CEBPZ: variants seen among roughly 807,000 people sequenced by gnomAD.
CEBPZ encodes CCAAT enhancer binding protein zeta.
In CEBPZ, 78 loss-of-function variants were observed where a neutral mutation model predicts 104.5. That is an observed-to-expected ratio of 0.75 (90% CI 0.62 to 0.90). CEBPZ has a LOEUF of 0.90. Ranked by LOEUF, CEBPZ falls within the 40% of genes least tolerant of loss-of-function variation. CEBPZ has a pLI of 0.00. For synonymous variants in CEBPZ, 470 were observed against 427.0 expected, an observed-to-expected ratio of 1.10 and a Z score of -1.24; for missense variants, 1,439 against 1,233.5, an observed-to-expected ratio of 1.17 and a Z score of -2.50.
rs758669147 is a variant in CEBPZ, at chr2:37,228,154, C to G, written c.1039G>C (p.Val347Leu). Reference sequence around the variant, plus strand: ...TGACTTAAAGTTTCTAAGACCTGCACAAATTCAGCCACTAAGTGTTTCAGC... The same window carrying G: ...TGACTTAAAGTTTCTAAGACCTGCAGAAATTCAGCCACTAAGTGTTTCAGC... ...HQLKHLVAEF[V>L]QVLETLSHDT... Residue 347 changes from valine to leucine, a missense_variant, in exon 2 of 16, where the codon GTG becomes CTG. By Grantham distance (32) the Val-to-Leu change is conservative. Coordinates refer to ENST00000234170, the MANE Select transcript of CEBPZ (RefSeq NM_005760.3). The G allele has an allele frequency of 6.2e-7, 1 of 1,614,194 alleles. No individual in the cohort carries two copies. Among genetic ancestry groups the G allele is most frequent in the Non-Finnish European group, 8.5e-7 (1 of 1,180,044 alleles).
chr2:37,221,647 G>T (rs1214740574), intron 4 of CEBPZ, among the ~76,000 whole-genome samples: 1 of 152,178 alleles, frequency 6.6e-6, no homozygotes, highest in Non-Finnish European at 1.5e-5. Context: ...CCTTCTAAAG[G>T]ATTATTCTCA....
chr2:37,228,909 T>G lies in CEBPZ; in HGVS notation c.284A>C (p.Lys95Thr). 2 of 1,610,962 alleles carry G rather than the reference T, an allele frequency of 1.2e-6. No homozygotes were observed. The highest frequency in any genetic ancestry group is 1.7e-6 in the Non-Finnish European group (2 of 1,178,938). ...TTCAACTAAGGAAGCTTTTGTATAC[T>G]TCGCCAAATTAAGATTTTGAATAAA... The part of the protein sequence containing the change: ...EAFIQNLNLA[K>T]YTKASLVEED... The change falls in exon 2 of 16, where the codon AAG (lysine) becomes ACG (threonine). Residue 95 changes from lysine to threonine, a missense_variant. Coordinates refer to ENST00000234170, the MANE Select transcript of CEBPZ (RefSeq NM_005760.3).
chr2:37,219,294 C>T (rs1220765705), intron 5 of CEBPZ, among the ~76,000 whole-genome samples: 1 of 152,154 alleles, frequency 6.6e-6, no homozygotes, highest in Non-Finnish European at 1.5e-5. Context: ...AGGTATGTTA[C>T]GCATACTTGC....
At chr2:37,214,361 T>C (rs779486108) in intron 9 of CEBPZ, among the ~76,000 whole-genome samples, 27 of 152,172 alleles carry the variant, frequency 1.8e-4, no homozygotes, top group Non-Finnish European at 3.5e-4. Flanking sequence ...TAGGTTATGA[T>C]ACTAGTTGGT....
chr2:37,201,900 A>G lies in CEBPZ; in HGVS notation c.3029T>C (p.Leu1010Pro). The change falls in exon 16 of 16, where the codon CTC becomes CCC. Residue 1010 changes from leucine to proline, a missense_variant. By Grantham distance (98) the Leu-to-Pro change is moderately conservative. Coordinates refer to ENST00000234170, the MANE Select transcript of CEBPZ (RefSeq NM_005760.3). ...NAMANKDNASLKQLRWEAERD... is the reference protein window; with the variant it reads ...NAMANKDNASPKQLRWEAERD... ...TTCAGCCTCCCATCTAAGCTGTTTG[A>G]GACCTTTGAGAGAAGAAGAAAAGAT... 6.2e-7 allele frequency: 1 copy of G among 1,611,652 alleles called. No individual in the cohort carries two copies. The highest frequency in any genetic ancestry group is 8.5e-7 in the Non-Finnish European group (1 of 1,179,426).
At chr2:37,231,142 T>C (rs1014778557) in intron 1 of CEBPZ, 3 of 613,178 alleles carry the variant, frequency 4.9e-6, no homozygotes, top group East Asian at 3.6e-5. Flanking sequence ...TCCGACCTGA[T>C]GGTGTGATGG....
At chr2:37,227,436 TA>T in intron 2 of CEBPZ, 107 bp downstream of exon 2, 1 of 1,285,044 alleles carries the variant, frequency 7.8e-7, no homozygotes, top group East Asian at 2.4e-5. Flanking sequence ...TGAGGGGGCC[TA>T]AAACCAAATT....
intron 4 of CEBPZ, among the ~76,000 whole-genome samples, chr2:37,221,656 C>CA (rs1272748787): frequency 1.3e-5 from 2 of 152,242 alleles, no homozygotes; most frequent in Non-Finnish European, 2.9e-5. Flanking sequence ...GGATTATTCT[C>CA]AGTTTAGTCT....
intron 4 of CEBPZ, 115 bp downstream of exon 4, chr2:37,222,265 C>A: frequency 2.2e-6 from 2 of 904,878 alleles, no homozygotes; most frequent in Non-Finnish European, 3.1e-6. Context: ...GCCTGGGCAA[C>A]AGAGTGAGAC....
chr2:37,221,783 C>G (rs4670678), intron 4 of CEBPZ, among the ~76,000 whole-genome samples: 6 of 151,982 alleles, frequency 3.9e-5, no homozygotes, highest in African/African-American at 1.5e-4. Context: ...CCAAAGCAAG[C>G]TGAAGAAATG....
At chr2:37,205,170 T>C (rs1470255537) in intron 13 of CEBPZ, among the ~76,000 whole-genome samples, 2 of 152,204 alleles carry the variant, frequency 1.3e-5, no homozygotes, top group African/African-American at 4.8e-5. Context: ...GCTGATAAAA[T>C]TTTGTAGGCG....
At chr2:37,226,162 C>G (rs1391397011) in intron 2 of CEBPZ, among the ~76,000 whole-genome samples, 1 of 151,926 alleles carries the variant, frequency 6.6e-6, no homozygotes, top group African/African-American at 2.4e-5. Flanking sequence ...ATGCTGAACG[C>G]TGGTTCCCCG....
intron 5 of CEBPZ, 48 bp downstream of exon 5, chr2:37,220,337 A>G (rs764386780): frequency 2.1e-5 from 12 of 582,224 alleles, no homozygotes; most frequent in East Asian, 3.9e-5. Flanking sequence ...AAATATATAT[A>G]TATATATATA....
intron 5 of CEBPZ, among the ~76,000 whole-genome samples, chr2:37,219,382 A>G (rs1183561168): frequency 6.7e-6 from 1 of 150,106 alleles, no homozygotes; most frequent in African/African-American, 2.4e-5. Context: ...TCCCTGTGTC[A>G]TCATTCTTAA....
At position 37,216,408 on chromosome 2, in the gene CEBPZ, A is replaced by C; in HGVS notation, c.2219T>G (p.Ile740Ser). Residue 740 changes from isoleucine to serine, a missense_variant, in exon 7 of 16, where the codon ATT (isoleucine) becomes AGT (serine). By Grantham distance (142) the Ile-to-Ser change is moderately radical. Transcript: ENST00000234170. ...FAKTILQGNYIQYSGDPLQDF... is the reference protein window; with the variant it reads ...FAKTILQGNYSQYSGDPLQDF... ...CTGCAGTGGGTCCCCTGAATACTGA[A>C]TATAGTTTCCCTGAAAAGTGGAGCG... The C allele has an allele frequency of 6.2e-7, 1 of 1,609,602 alleles. No individual in the cohort carries two copies. The highest frequency in any genetic ancestry group is 1.1e-5 in the South Asian group (1 of 89,982).
chr2:37,213,749 G>T, intron 10 of CEBPZ, 115 bp downstream of exon 10: 1 of 675,480 alleles, frequency 1.5e-6, no homozygotes, highest in Non-Finnish European at 2.5e-6. Context: ...TGATTTGCAT[G>T]ATATTCTTAG....
chr2:37,219,998 C>G (rs187341097), intron 5 of CEBPZ, among the ~76,000 whole-genome samples: 1 of 152,202 alleles, frequency 6.6e-6, no homozygotes, highest in East Asian at 1.9e-4. Context: ...ACAAAAACTT[C>G]AAGGCATTAC....
chr2:37,223,481 T>TA, intron 2 of CEBPZ, 80 bp from the exon 3 acceptor site: 2 of 1,193,546 alleles, frequency 1.7e-6, no homozygotes. Flanking sequence ...AAATAGCTAC[T>TA]AACCTCATCT....
At chr2:37,229,159 CAT>C in intron 1 of CEBPZ, 123 bp from the exon 2 acceptor site, 1 of 886,870 alleles carries the variant, frequency 1.1e-6, no homozygotes, top group Non-Finnish European at 1.6e-6. Flanking sequence ...TCAAATTTGA[CAT>C]AAAACTCAGG....
Sources: gnomAD v4.1 joint callset for allele counts (sites outside exome capture counted in the v4.1 genomes callset) on GRCh38, gnomAD v4.1.1 for gene constraint, MANE v1.5 for transcripts, NCBI Gene and HGNC (gene_info 2026-07-23, HGNC 2026-07-21) for gene names.